Variants in MKLN1 observed in about 807,000 individuals in gnomAD.
MKLN1 encodes the protein muskelin 1.
In MKLN1, 18 loss-of-function variants were observed where a neutral mutation model predicts 99.0. The observed-to-expected ratio is 0.18, with a 90% CI of 0.13 to 0.27. The LOEUF is 0.27. Among genes scored for constraint, MKLN1 ranks in the 10% least tolerant of loss-of-function variants. The probability of loss-of-function intolerance (pLI) is 1.00; values close to 1 mark genes in which losing one functional copy is unlikely to be tolerated. For missense variants in MKLN1, 621 were observed against 875.9 expected (o/e 0.71, Z 3.67); for synonymous variants, 288 against 293.2 (o/e 0.98, Z 0.18).
At chr7:131,484,036 C>G (rs1452012654) in intron 17 of MKLN1, among the ~76,000 whole-genome samples, 1 of 151,704 alleles carries the variant, frequency 6.6e-6, no homozygotes, top group Non-Finnish European at 1.5e-5. Flanking sequence ...AAAACATATT[C>G]TGCAGCATAG....
intron 3 of MKLN1, among the ~76,000 whole-genome samples, chr7:131,230,342 AG>A (rs975427581): frequency 1.3e-5 from 2 of 152,196 alleles, no homozygotes; most frequent in African/African-American, 4.8e-5. Context: ...CTTGGCCAAA[AG>A]GGGGTCTGTT....
intron 3 of MKLN1, among the ~76,000 whole-genome samples, chr7:131,296,644 C>A (rs192945119): frequency 6.6e-6 from 1 of 152,268 alleles, no homozygotes; most frequent in Non-Finnish European, 1.5e-5. Context: ...ATCCTAATTA[C>A]TCGGGAAGCT....
intron 1 of MKLN1, among the ~76,000 whole-genome samples, chr7:131,336,836 A>T (rs1169488816): frequency 1.3e-5 from 2 of 151,658 alleles, no homozygotes; most frequent in Non-Finnish European, 2.9e-5. Flanking sequence ...ATTGTTCTTT[A>T]TTTCCTTTTG....
At chr7:131,412,485 A>C (rs1794909311) in intron 7 of MKLN1, among the ~76,000 whole-genome samples, 1 of 152,262 alleles carries the variant, frequency 6.6e-6, no homozygotes, top group Non-Finnish European at 1.5e-5. Context: ...CAGTACATTT[A>C]AATTAGGTAT....
intron 3 of MKLN1, among the ~76,000 whole-genome samples, chr7:131,210,401 G>A (rs375392939): frequency 9.9e-5 from 15 of 151,784 alleles, no homozygotes; most frequent in South Asian, 4.2e-4. Flanking sequence ...GCGTGGCAGC[G>A]TGCACCTGTA....
intron 7 of MKLN1, among the ~76,000 whole-genome samples, chr7:131,413,052 G>A (rs1480677178): frequency 1.3e-5 from 2 of 152,090 alleles, no homozygotes; most frequent in African/African-American, 4.8e-5. Context: ...CAAACATACT[G>A]AAAATGAATT....
intron 3 of MKLN1, among the ~76,000 whole-genome samples, chr7:131,290,769 A>C (rs1294402707): frequency 1.3e-5 from 2 of 152,252 alleles, no homozygotes; most frequent in Admixed American, 1.3e-4. Context: ...GCTGAAACTT[A>C]GGTCAACTTC....
At chr7:131,393,267 G>GGAACAAA (rs1300865815) in intron 4 of MKLN1, among the ~76,000 whole-genome samples, 2 of 152,084 alleles carry the variant, frequency 1.3e-5, no homozygotes, top group African/African-American at 2.4e-5. Context: ...CTTTTATCAG[G>GGAACAAA]GAACAAAGAA....
At chr7:131,481,813 C>CAAAAA (rs35675974) in intron 17 of MKLN1, among the ~76,000 whole-genome samples, 1 of 109,228 alleles carries the variant, frequency 9.2e-6, no homozygotes, top group Non-Finnish European at 1.9e-5. Context: ...CTAAGGTCTG[C>CAAAAA]AAAAAAAAAA....
At chr7:131,197,212 A>AT (rs909348764) in intron 2 of MKLN1, among the ~76,000 whole-genome samples, 23 of 150,640 alleles carry the variant, frequency 1.5e-4, no homozygotes, top group Admixed American at 2.0e-4. Flanking sequence ...TGATTGATTG[A>AT]TTTTTTTTTG....
chr7:131,432,234 G>A (rs1024569325), intron 9 of MKLN1, among the ~76,000 whole-genome samples: 1 of 152,114 alleles, frequency 6.6e-6, no homozygotes, highest in Non-Finnish European at 1.5e-5. Context: ...AAAAGGGAAC[G>A]ATAAATACAA....
chr7:131,416,826 T>TA (rs1284134555), intron 8 of MKLN1, among the ~76,000 whole-genome samples: 1 of 151,150 alleles, frequency 6.6e-6, no homozygotes, highest in African/African-American at 2.4e-5. Flanking sequence ...CTATAAGAAA[T>TA]AAAAAAATCA....
At chr7:131,124,446 A>T (rs1221039911) in intron 1 of MKLN1, among the ~76,000 whole-genome samples, 1 of 152,156 alleles carries the variant, frequency 6.6e-6, no homozygotes, top group Admixed American at 6.5e-5. Context: ...TTCTCTAGCA[A>T]CCAGCTGCTG....
At chr7:131,240,121 C>T (rs988853851) in intron 3 of MKLN1, among the ~76,000 whole-genome samples, 2 of 152,088 alleles carry the variant, frequency 1.3e-5, no homozygotes, top group Non-Finnish European at 2.9e-5. Context: ...GTCGAGACTG[C>T]AGTGAGCCGT....
intron 3 of MKLN1, among the ~76,000 whole-genome samples, chr7:131,227,489 TTCTTTC>T (rs942140676): frequency 1.5e-5 from 2 of 130,912 alleles, no homozygotes; most frequent in Admixed American, 8.3e-5. Context: ...CTTTCTCTCT[TTCTTTC>T]TCTTTCTTTC....
intron 3 of MKLN1, among the ~76,000 whole-genome samples, chr7:131,314,202 A>C (rs1488796146): frequency 6.6e-6 from 1 of 152,232 alleles, no homozygotes; most frequent in Non-Finnish European, 1.5e-5. Flanking sequence ...CAAAGGGATC[A>C]GGCGACACGA....
At chr7:131,362,590 G>A (rs1053335466) in intron 1 of MKLN1, among the ~76,000 whole-genome samples, 2 of 151,968 alleles carry the variant, frequency 1.3e-5, no homozygotes, top group African/African-American at 4.8e-5. Context: ...TGATGTATCT[G>A]TCTAGTTCCA....
intron 3 of MKLN1, among the ~76,000 whole-genome samples, chr7:131,251,311 A>G (rs1177268838): frequency 1.3e-5 from 2 of 152,222 alleles, no homozygotes; most frequent in Non-Finnish European, 2.9e-5. Context: ...TTGTGCTGCA[A>G]CAACACTGCC....
intron 14 of MKLN1, among the ~76,000 whole-genome samples, chr7:131,465,203 T>G (rs1796623736): frequency 6.6e-6 from 1 of 152,116 alleles, no homozygotes; most frequent in Non-Finnish European, 1.5e-5. Flanking sequence ...AATATTTAAA[T>G]TTAAATTTAA....
Sources: allele counts gnomAD v4.1 joint callset (sites outside exome capture counted in the v4.1 genomes callset), GRCh38; gene constraint gnomAD v4.1.1; transcripts MANE v1.5; gene names NCBI Gene and HGNC (gene_info 2026-07-23, HGNC 2026-07-21).